Variants in SEMA3C observed in about 807,000 individuals in gnomAD.
SEMA3C encodes semaphorin 3C.
In SEMA3C, 47 loss-of-function variants were observed where a neutral mutation model predicts 89.4. The observed-to-expected ratio is 0.53, with a 90% confidence interval of 0.42 to 0.67. SEMA3C has a LOEUF of 0.67. Among genes scored for constraint, SEMA3C ranks in the 30% least tolerant of loss-of-function variants. The pLI, the probability that SEMA3C is intolerant of heterozygous loss-of-function variation, is 0.00. For missense variants in SEMA3C, 839 were observed against 929.1 expected (o/e 0.90, Z 1.26); for synonymous variants, 310 against 320.2 (o/e 0.97, Z 0.34).
intron 14 of SEMA3C, 34 bp downstream of exon 14, chr7:80,761,582 A>G: frequency 9.0e-7 from 1 of 1,115,438 alleles, no homozygotes; most frequent in Non-Finnish European, 1.3e-6. Flanking sequence ...AAACATTTCA[A>G]TAAGCAAAGA....
At chr7:80,914,693 A>G (rs1473387007) in intron 2 of SEMA3C, among the ~76,000 whole-genome samples, 1 of 152,210 alleles carries the variant, frequency 6.6e-6, no homozygotes, top group Admixed American at 6.5e-5. Flanking sequence ...AGAACAAAAT[A>G]TCAGGAATTA....
chr7:80,795,801 A>G (rs531234778), intron 11 of SEMA3C, among the ~76,000 whole-genome samples: 3 of 150,934 alleles, frequency 2.0e-5, no homozygotes, highest in African/African-American at 7.3e-5. Flanking sequence ...TTGCATGAGG[A>G]AAAAAAAAAT....
At chr7:80,858,228 G>T (rs977154781) in intron 2 of SEMA3C, among the ~76,000 whole-genome samples, 40 of 152,034 alleles carry the variant, frequency 2.6e-4, no homozygotes, top group Admixed American at 1.3e-4. Flanking sequence ...TAAACTACTA[G>T]ATCACAGTTT....
intron 5 of SEMA3C, 76 bp downstream of exon 5, chr7:80,818,223 T>C (rs1304900863): frequency 7.3e-7 from 1 of 1,374,388 alleles, no homozygotes; most frequent in Non-Finnish European, 9.9e-7. Flanking sequence ...TATGTCCAAG[T>C]TTTTACTCTA....
At chr7:80,862,952 T>C (rs1790807566) in intron 2 of SEMA3C, among the ~76,000 whole-genome samples, 1 of 152,136 alleles carries the variant, frequency 6.6e-6, no homozygotes, top group Admixed American at 6.6e-5. Flanking sequence ...TCAAGATGGA[T>C]TAATGACTTA....
intron 2 of SEMA3C, among the ~76,000 whole-genome samples, chr7:80,853,690 A>G (rs1790569000): frequency 6.6e-6 from 1 of 152,186 alleles, no homozygotes; most frequent in Non-Finnish European, 1.5e-5. Context: ...GTTAGAATAA[A>G]TAGGATGGAG....
intron 2 of SEMA3C, among the ~76,000 whole-genome samples, chr7:80,867,157 G>A (rs1332328478): frequency 6.6e-6 from 1 of 152,076 alleles, no homozygotes; most frequent in Non-Finnish European, 1.5e-5. Flanking sequence ...CTGATTAATG[G>A]TTGTAGAAAA....
chr7:80,842,001 C>T (rs1036725467), intron 2 of SEMA3C, among the ~76,000 whole-genome samples: 8 of 152,154 alleles, frequency 5.3e-5, no homozygotes, highest in Non-Finnish European at 1.0e-4. Context: ...AGTCATTCTA[C>T]GCAGAAGCTC....
chr7:80,861,371 T>G (rs1191283359), intron 2 of SEMA3C, among the ~76,000 whole-genome samples: 1 of 152,174 alleles, frequency 6.6e-6, no homozygotes, highest in Non-Finnish European at 1.5e-5. Context: ...ATTTGCCACT[T>G]AATAGCATGA....
chr7:80,920,109 A>G (rs746832988), upstream of SEMA3C, among the ~76,000 whole-genome samples: 6 of 152,238 alleles, frequency 3.9e-5, no homozygotes, highest in African/African-American at 7.2e-5. Context: ...ACAGATTGCC[A>G]TAACCACACA....
rs556870464 is a variant in SEMA3C, at chr7:80,876,724, A to C, written c.103+39955T>G. ...CATTAAATAGTTGCCTCTGCATTAT[A>C]AAATAAAGCCCTTTGATAATATTTA... On this transcript the variant is annotated intron_variant, in intron 2 of 17. Transcript: ENST00000265361. Among the ~76,000 whole-genome samples, 12 of 152,384 alleles carry C rather than the reference A, an allele frequency of 7.9e-5. No homozygotes were observed. In the South Asian group the frequency reaches 8.3e-4, roughly 11 times the overall value.
intron 12 of SEMA3C, among the ~76,000 whole-genome samples, chr7:80,769,833 T>TG (rs1788385626): frequency 9.1e-6 from 1 of 109,574 alleles, no homozygotes; most frequent in Non-Finnish European, 1.7e-5. Flanking sequence ...CACTCCAGCC[T>TG]GGGGGATAGA....
At chr7:80,765,558 GT>G (rs967262005) in intron 12 of SEMA3C, among the ~76,000 whole-genome samples, 3 of 143,540 alleles carry the variant, frequency 2.1e-5, no homozygotes, top group Admixed American at 1.4e-4. Flanking sequence ...CAATACATAA[GT>G]TTTTTTTGTT....
chr7:80,921,754 T>C (rs1178716225), upstream of SEMA3C, among the ~76,000 whole-genome samples: 1 of 152,192 alleles, frequency 6.6e-6, no homozygotes, highest in Non-Finnish European at 1.5e-5. Context: ...TTAGAAATGG[T>C]GCAGTATCTT....
At chr7:80,800,857 T>A in intron 9 of SEMA3C, 31 bp from the exon 10 acceptor site, 1 of 1,399,938 alleles carries the variant, frequency 7.1e-7, no homozygotes, top group Non-Finnish European at 9.6e-7. Flanking sequence ...TTTTAAAGTT[T>A]CTAAATATTA....
rs1787739648 is a variant in SEMA3C, at chr7:80,743,969, T to G, written c.*925A>C. The G allele has an allele frequency of 6.6e-6, 1 of 152,056 alleles. No homozygotes were observed. The highest frequency in any genetic ancestry group is 2.4e-5 in the African/African-American group (1 of 41,440). The allele number at this position is 152,056 out of a possible 1,614,324, so 9.4% of individuals were successfully genotyped here. A position where few individuals can be genotyped will look rare whatever the true frequency, so the allele number is the denominator to read the frequency against. Reference sequence around the variant, plus strand: ...TTATAAATTCCTCTTAAAAAATTAGTAGTTTCTACTTTGATTTTTCTTTTT... The same window carrying G: ...TTATAAATTCCTCTTAAAAAATTAGGAGTTTCTACTTTGATTTTTCTTTTT... On this transcript the variant is annotated 3_prime_UTR_variant, in exon 18 of 18. Transcript: ENST00000265361.
At chr7:80,827,132 T>C (rs1292830730) in intron 4 of SEMA3C, among the ~76,000 whole-genome samples, 1 of 152,082 alleles carries the variant, frequency 6.6e-6, no homozygotes, top group Admixed American at 6.6e-5. Context: ...TGCTGAGAAT[T>C]CTGCAGGTTG....
At chr7:80,921,903 C>G (rs2116279416), upstream of SEMA3C, among the ~76,000 whole-genome samples, 1 of 152,282 alleles carries the variant, frequency 6.6e-6, no homozygotes, top group African/African-American at 2.4e-5. Context: ...CCAGGAGTTT[C>G]TGCAGCTATA....
chr7:80,872,803 A>ATC (rs1249052722), intron 2 of SEMA3C, among the ~76,000 whole-genome samples: 4 of 148,242 alleles, frequency 2.7e-5, no homozygotes, highest in East Asian at 2.6e-4. Flanking sequence ...CTGTCAAAAA[A>ATC]AAAAAAAAAA....
Sources: gnomAD v4.1 joint callset for allele counts (sites outside exome capture counted in the v4.1 genomes callset) on GRCh38, gnomAD v4.1.1 for gene constraint, MANE v1.5 for transcripts, NCBI Gene and HGNC (gene_info 2026-07-23, HGNC 2026-07-21) for gene names.